The following SCOC variants were observed in gnomAD, a reference collection of about 807,000 sequenced individuals.
The protein encoded by SCOC is short coiled coil protein.
SCOC carries 7 observed loss-of-function variants against 9.9 expected under a neutral mutation model. That is an observed-to-expected ratio of 0.71 (90% CI 0.40 to 1.33). The LOEUF (loss-of-function observed/expected upper bound fraction) is 1.33. SCOC is among the 40% of genes most tolerant of loss of function. The pLI is 0.01. For synonymous variants in SCOC, 19 were observed against 28.2 expected, an observed-to-expected ratio of 0.67 and a Z score of 1.03; for missense variants, 66 against 89.7, an observed-to-expected ratio of 0.74 and a Z score of 1.07.
intron 1 of SCOC, among the ~76,000 whole-genome samples, chr4:140,323,456 C>A (rs1213820347): frequency 6.6e-6 from 1 of 152,126 alleles, no homozygotes; most frequent in African/African-American, 2.4e-5. Flanking sequence ...TACACTGATT[C>A]TTAGATAAAG....
chr4:140,335,741 G>T (rs68039478), intron 1 of SCOC, among the ~76,000 whole-genome samples: 1 of 151,964 alleles, frequency 6.6e-6, no homozygotes, highest in East Asian at 1.9e-4. Context: ...CTGGCTTCCA[G>T]TGTTCTTCAT....
chr4:140,380,986 T>G lies in SCOC; in HGVS notation c.131T>G (p.Val44Gly). ...LEDLSARVDAVKEENLKLKSE... is the reference protein window; with the variant it reads ...LEDLSARVDAGKEENLKLKSE... The stretch of plus-strand genomic sequence containing the variant: ...GATCTCTCTGCAAGAGTAGATGCAG[T>G]TAAGGAAGAAAATCTGAAGCTAAAA... Residue 44 changes from valine to glycine, a missense_variant, in exon 4 of 4, where the codon GTT (valine) becomes GGT (glycine). By Grantham distance (109) the Val-to-Gly change is moderately radical. Coordinates refer to ENST00000608372, the MANE Select transcript of SCOC (RefSeq NM_001153484.2). 1 of 1,601,088 alleles carries G rather than the reference T, an allele frequency of 6.2e-7. No homozygotes were observed. Among genetic ancestry groups the G allele is most frequent in the Non-Finnish European group, 8.5e-7 (1 of 1,176,222 alleles).
chr4:140,288,041 C>A (rs1293187707), intron 1 of SCOC, among the ~76,000 whole-genome samples: 1 of 152,030 alleles, frequency 6.6e-6, no homozygotes, highest in East Asian at 1.9e-4. Context: ...ACATACCACA[C>A]ACATATGCCA....
chr4:140,305,112 G>A (rs1731929304), intron 1 of SCOC, among the ~76,000 whole-genome samples: 1 of 152,176 alleles, frequency 6.6e-6, no homozygotes, highest in Non-Finnish European at 1.5e-5. Context: ...CAACCGCATT[G>A]CAGATAGAGT....
intron 1 of SCOC, among the ~76,000 whole-genome samples, chr4:140,376,061 A>C (rs1008513403): frequency 6.6e-6 from 1 of 152,232 alleles, no homozygotes; most frequent in Non-Finnish European, 1.5e-5. Flanking sequence ...ATGTTATAGC[A>C]ACTATAGGTA....
At chr4:140,292,236 T>G (rs1731497977) in intron 1 of SCOC, among the ~76,000 whole-genome samples, 2 of 150,926 alleles carry the variant, frequency 1.3e-5, no homozygotes, top group Non-Finnish European at 2.9e-5. Context: ...TCACCCAGGC[T>G]GGAGTGCAGT....
chr4:140,370,728 C>A (rs1417708961), upstream of SCOC, among the ~76,000 whole-genome samples: 1 of 151,898 alleles, frequency 6.6e-6, no homozygotes, highest in Non-Finnish European at 1.5e-5. Flanking sequence ...TGAATATGCC[C>A]CTTTATCTAA....
rs1217269957 is a variant in SCOC at position 140,318,210 on chromosome 4, A to G, written c.-18-25411A>G. ...CAAAACACCAAAAGCAATGGCAACC[A>G]AAGCCAAAATTGACAAATGGGATCT... On this transcript the variant is annotated intron_variant, in intron 1 of 4. Coordinates refer to the SCOC transcript ENST00000394205. Among the ~76,000 whole-genome samples the G allele has an allele frequency of 7.6e-4, 108 of 142,004 alleles. 1 individual carries two copies. Among genetic ancestry groups the G allele is most frequent in the African/African-American group, 3.0e-3 (108 of 36,094 alleles). The allele number at this position is 142,004 out of a possible 152,430, so 93.2% of individuals were successfully genotyped here.
chr4:140,277,372 C>T (rs900179461), intron 1 of SCOC, among the ~76,000 whole-genome samples: 1 of 152,146 alleles, frequency 6.6e-6, no homozygotes, highest in Admixed American at 6.5e-5. Context: ...TTGTGTAAAA[C>T]CAGCCTCCTT....
chr4:140,352,307 A>G (rs776534883), intron 2 of SCOC, among the ~76,000 whole-genome samples: 11 of 152,270 alleles, frequency 7.2e-5, no homozygotes, highest in African/African-American at 2.7e-4. Flanking sequence ...AAAAAGTTTC[A>G]GCAAATCTTA....
At chr4:140,301,647 G>C (rs1731813725) in intron 1 of SCOC, among the ~76,000 whole-genome samples, 1 of 152,132 alleles carries the variant, frequency 6.6e-6, no homozygotes, top group Non-Finnish European at 1.5e-5. Context: ...GATCAGTCTT[G>C]CCTGGCTTAG....
chr4:140,314,336 A>T (rs1732246757), intron 1 of SCOC: 1 of 154,418 alleles, frequency 6.5e-6, no homozygotes, highest in African/African-American at 2.4e-5. Context: ...ACACTTGCTG[A>T]TCTTGCATAG....
chr4:140,277,892 G>C (rs562341457), intron 1 of SCOC, among the ~76,000 whole-genome samples: 2 of 152,308 alleles, frequency 1.3e-5, no homozygotes, highest in African/African-American at 4.8e-5. Context: ...AGAGGAAGAA[G>C]AAGAAGGTAA....
intron 1 of SCOC, among the ~76,000 whole-genome samples, chr4:140,331,127 T>G (rs1732805038): frequency 6.6e-6 from 1 of 152,140 alleles, no homozygotes; most frequent in Non-Finnish European, 1.5e-5. Context: ...TGGAAGAGTT[T>G]TTAATCTTTC....
intron 2 of SCOC, among the ~76,000 whole-genome samples, chr4:140,364,991 C>T (rs1034188555): frequency 3.9e-5 from 6 of 152,074 alleles, no homozygotes; most frequent in African/African-American, 1.4e-4. Flanking sequence ...GAGAGAGCAT[C>T]ATGACAGTCT....
At chr4:140,259,478 C>A (rs918339851) in intron 1 of SCOC, among the ~76,000 whole-genome samples, 3 of 152,188 alleles carry the variant, frequency 2.0e-5, no homozygotes, top group Non-Finnish European at 4.4e-5. Context: ...TACTTTTCGG[C>A]TGGGCATGGT....
intron 1 of SCOC, among the ~76,000 whole-genome samples, chr4:140,321,807 G>T (rs1462797983): frequency 6.6e-6 from 1 of 152,188 alleles, no homozygotes; most frequent in African/African-American, 2.4e-5. Context: ...ATTACTGACA[G>T]ACATTCTTAT....
At chr4:140,327,557 TGGGAGGCTGG>T (rs1247229577) in intron 1 of SCOC, among the ~76,000 whole-genome samples, 1 of 152,204 alleles carries the variant, frequency 6.6e-6, no homozygotes, top group Non-Finnish European at 1.5e-5. Flanking sequence ...CCTAGCTACT[TGGGAGGCTGG>T]GGCTTGATCC....
chr4:140,375,894 A>G (rs1323885008), intron 1 of SCOC, among the ~76,000 whole-genome samples: 1 of 152,192 alleles, frequency 6.6e-6, no homozygotes, highest in African/African-American at 2.4e-5. Flanking sequence ...TAGGATAGGC[A>G]GAGCAGCCTC....
Sources: allele counts gnomAD v4.1 joint callset (sites outside exome capture counted in the v4.1 genomes callset), GRCh38; gene constraint gnomAD v4.1.1; transcripts MANE v1.5; gene names NCBI Gene and HGNC (gene_info 2026-07-23, HGNC 2026-07-21).